The following ZNF618 variants were observed in gnomAD, a reference collection of about 807,000 sequenced individuals.
ZNF618 encodes the protein neural precursor cell expressed, developmentally down-regulated 10.
A neutral mutation model predicts 103.0 loss-of-function variants in ZNF618; 34 were observed. The observed-to-expected ratio is 0.33, with a 90% CI of 0.25 to 0.44. The LOEUF is 0.44. Among genes scored for constraint, ZNF618 ranks in the 20% least tolerant of loss-of-function variants. ZNF618 has a pLI of 1.00. For missense variants in ZNF618, 1,059 were observed against 1,295.4 expected, an observed-to-expected ratio of 0.82 and a Z score of 2.80; for synonymous variants, 551 against 542.2, an observed-to-expected ratio of 1.02 and a Z score of -0.23.
At position 114,050,291 on chromosome 9, in the gene ZNF618, CT is replaced by C. The variant is rs371077113; in HGVS notation, c.*125del. 9.9e-5 allele frequency: 123 copies of C among 1,239,230 alleles called. No homozygotes were observed. In the African/African-American group the frequency reaches 1.6e-3, roughly 16 times the overall value. 76.8% of individuals were successfully genotyped at this position (1,239,230 alleles called of 1,614,324 possible). ...CTGTGGACCTCATTATAAATGCCCC[CT>C]GGAAACTTAAGTGCTTTTTTTATAT... On this transcript the variant is annotated 3_prime_UTR_variant, in exon 15 of 15. Transcript: ENST00000374126.
chr9:113,988,310 T>C lies in ZNF618; in HGVS notation c.78-11T>C. 1.2e-6 allele frequency: 2 copies of C among 1,608,192 alleles called. No homozygotes were observed. Among genetic ancestry groups the C allele is most frequent in the Non-Finnish European group, 1.7e-6 (2 of 1,177,804 alleles). On this transcript the variant is annotated splice_polypyrimidine_tract_variant and intron_variant, in intron 2 of 14. Transcript: ENST00000374126. ...GGAAGAAGGTATTGAACGGAGTTTC[T>C]TCTTTCCCAGGGAGCGCTTGAAGCG...
intron 1 of ZNF618, among the ~76,000 whole-genome samples, chr9:113,959,965 T>C (rs995717271): frequency 1.3e-5 from 2 of 152,216 alleles, no homozygotes; most frequent in Non-Finnish European, 2.9e-5. Context: ...AATTCTTCTA[T>C]TCTTCCATCT....
intron 13 of ZNF618, 100 bp downstream of exon 13, chr9:114,036,477 T>A: frequency 7.9e-7 from 1 of 1,268,180 alleles, no homozygotes; most frequent in Middle Eastern, 1.9e-4. Context: ...AAGGCCGCTC[T>A]TTCCTGGAAA....
intron 2 of ZNF618, among the ~76,000 whole-genome samples, chr9:113,971,183 G>T (rs1033929332): frequency 6.6e-6 from 1 of 151,774 alleles, no homozygotes; most frequent in South Asian, 2.1e-4. Flanking sequence ...TTGTCAGACC[G>T]GTGCCTGGAA....
intron 1 of ZNF618, among the ~76,000 whole-genome samples, chr9:113,959,499 C>T (rs962606861): frequency 3.9e-5 from 6 of 152,232 alleles, no homozygotes; most frequent in African/African-American, 1.4e-4. Flanking sequence ...GCACCTGGTA[C>T]CCTGGGATGG....
At chr9:113,899,816 T>C (rs1830358904) in intron 1 of ZNF618, among the ~76,000 whole-genome samples, 1 of 152,198 alleles carries the variant, frequency 6.6e-6, no homozygotes, top group Non-Finnish European at 1.5e-5. Flanking sequence ...TCCCTCTTTG[T>C]TAAGGGTTGA....
At chr9:114,025,183 G>T (rs913160991) in intron 10 of ZNF618, among the ~76,000 whole-genome samples, 2 of 152,230 alleles carry the variant, frequency 1.3e-5, no homozygotes, top group East Asian at 3.9e-4. Flanking sequence ...ACGAGGAGGG[G>T]TTCCCAGGTT....
intron 14 of ZNF618, among the ~76,000 whole-genome samples, chr9:114,048,301 C>T (rs1393364349): frequency 6.6e-6 from 1 of 152,162 alleles, no homozygotes; most frequent in Non-Finnish European, 1.5e-5. Context: ...ATGATGATCC[C>T]ATGTATCTTA....
At chr9:113,994,129 G>A (rs1026924374) in intron 3 of ZNF618, among the ~76,000 whole-genome samples, 1 of 152,196 alleles carries the variant, frequency 6.6e-6, no homozygotes, top group Non-Finnish European at 1.5e-5. Context: ...CACACACATA[G>A]GGCAGCCCAG....
intron 11 of ZNF618, among the ~76,000 whole-genome samples, 156 bp from the exon 12 acceptor site, chr9:114,032,488 AG>A (rs1844169596): frequency 6.6e-6 from 1 of 152,120 alleles, no homozygotes; most frequent in Non-Finnish European, 1.5e-5. Flanking sequence ...TAGGCCACTC[AG>A]AGGGTCCTGG....
intron 1 of ZNF618, among the ~76,000 whole-genome samples, chr9:113,963,142 T>G (rs905428024): frequency 6.6e-6 from 1 of 152,154 alleles, no homozygotes; most frequent in Non-Finnish European, 1.5e-5. Context: ...CTCTAAATAT[T>G]AGGGGACATA....
Position 114,048,700 on chromosome 9 carries a change from G to A in ZNF618, c.1398G>A (p.Arg466=). 1 of 1,613,972 alleles carries A rather than the reference G, an allele frequency of 6.2e-7. No homozygotes were observed. The highest frequency in any genetic ancestry group is 8.5e-7 in the Non-Finnish European group (1 of 1,179,868). Residue 466 remains arginine, a synonymous_variant, in exon 15 of 15, where the codon CGG becomes CGA. Coordinates refer to ENST00000374126, the MANE Select transcript of ZNF618 (RefSeq NM_001318042.2). ...ACAGCATGATCCCCGAAAAGGAGCG[G>A]CAGAACATCGCAGAGCGGCTGTTGA... ...TPNSMIPEKE[R]QNIAERLLRV... is the part of the protein sequence containing the mutation.
At chr9:113,973,346 C>T (rs995691483) in intron 2 of ZNF618, among the ~76,000 whole-genome samples, 17 of 152,150 alleles carry the variant, frequency 1.1e-4, no homozygotes, top group Non-Finnish European at 1.5e-5. Context: ...TGCTACTACG[C>T]CAGGGTCCGC....
At chr9:114,003,353 C>T (rs746444557) in intron 6 of ZNF618, among the ~76,000 whole-genome samples, 9 of 152,226 alleles carry the variant, frequency 5.9e-5, no homozygotes, top group Non-Finnish European at 1.0e-4. Context: ...CTTCAGAAGT[C>T]ACAGTTCCAC....
chr9:114,028,283 T>C (rs953028745), intron 10 of ZNF618: 1 of 177,748 alleles, frequency 5.6e-6, no homozygotes, highest in Non-Finnish European at 1.2e-5. Flanking sequence ...CCCTAAAACC[T>C]TGGAGGGACT....
chr9:114,027,492 C>T (rs1049424998), intron 10 of ZNF618, among the ~76,000 whole-genome samples: 5 of 152,364 alleles, frequency 3.3e-5, no homozygotes, highest in African/African-American at 1.2e-4. Context: ...TCACCCCATG[C>T]ACCAGTGTGG....
intron 1 of ZNF618, among the ~76,000 whole-genome samples, chr9:113,926,953 C>G (rs769064525): frequency 3.9e-5 from 6 of 152,178 alleles, no homozygotes; most frequent in Non-Finnish European, 5.9e-5. Flanking sequence ...GCAGATGTTA[C>G]AATGAGCTGA....
chr9:114,037,237 T>C (rs1278076073), intron 13 of ZNF618, among the ~76,000 whole-genome samples: 1 of 152,182 alleles, frequency 6.6e-6, no homozygotes, highest in Non-Finnish European at 1.5e-5. Flanking sequence ...GGCTTCCACA[T>C]GGTGATTCAG....
At chr9:114,042,761 T>TGAGGCTGCA (rs1025848028) in intron 13 of ZNF618, among the ~76,000 whole-genome samples, 1 of 152,144 alleles carries the variant, frequency 6.6e-6, no homozygotes, top group Non-Finnish European at 1.5e-5. Context: ...CCTGGGAGGT[T>TGAGGCTGCA]GAGGCTGCAG....
Sources: allele counts gnomAD v4.1 joint callset (sites outside exome capture counted in the v4.1 genomes callset), GRCh38; gene constraint gnomAD v4.1.1; transcripts MANE v1.5; gene names NCBI Gene and HGNC (gene_info 2026-07-23, HGNC 2026-07-21).